The following CPNE1 variants were observed in gnomAD, a reference collection of about 807,000 sequenced individuals.
CPNE1 encodes copine-1.
In CPNE1, 58 loss-of-function variants were observed where a neutral mutation model predicts 63.2. That is an observed-to-expected ratio of 0.92 (90% confidence interval 0.74 to 1.14). The LOEUF (loss-of-function observed/expected upper bound fraction) is 1.14, where lower values mean the gene tolerates loss of function less well. Among genes scored for constraint, CPNE1 ranks in the 50% most tolerant of loss-of-function variants. CPNE1 has a pLI of 0.00. For missense variants in CPNE1, 672 were observed against 661.7 expected (o/e 1.02, Z -0.17); for synonymous variants, 237 against 249.0 (o/e 0.95, Z 0.45).
rs548671872 is a variant in CPNE1, at chr20:35,631,036, T to G, written c.862-2A>C. On this transcript the variant is annotated splice_acceptor_variant, in intron 10 of 15. Transcript: ENST00000397443. LOFTEE classifies it high-confidence loss of function. The stretch of plus-strand genomic sequence containing the variant: ...GGAGCCAGTGAAGTCCACGCCCACC[T>G]GGGAGGAGGTGAGGAAGGCAGCTAA... 3 of 1,613,926 alleles carry G rather than the reference T, an allele frequency of 1.9e-6. No homozygotes were observed. The South Asian group carries it at 3.3e-5, about 18-fold the overall frequency.
intron 1 of CPNE1, among the ~76,000 whole-genome samples, chr20:35,647,619 T>C (rs974001353): frequency 3.3e-5 from 5 of 152,000 alleles, no homozygotes; most frequent in Non-Finnish European, 1.5e-5. Flanking sequence ...TAGAGCAGTA[T>C]GTAGAGTAGC....
intron 1 of CPNE1, chr20:35,654,938 GATT>G: frequency 6.2e-7 from 1 of 1,614,132 alleles, no homozygotes; most frequent in Non-Finnish European, 8.5e-7. Flanking sequence ...CTGGGTGATG[GATT>G]ATTAAAGTTG....
chr20:35,663,363 C>T (rs1243039013), intron 1 of CPNE1, among the ~76,000 whole-genome samples: 1 of 152,220 alleles, frequency 6.6e-6, no homozygotes, highest in Non-Finnish European at 1.5e-5. Flanking sequence ...AGGTCCCAGA[C>T]AATTCTTGTT....
chr20:35,657,562 T>C (rs932781287), intron 1 of CPNE1, among the ~76,000 whole-genome samples: 2 of 152,136 alleles, frequency 1.3e-5, no homozygotes, highest in Non-Finnish European at 2.9e-5. Context: ...TAAAGTGACA[T>C]ACACAGTTAA....
At chr20:35,652,534 A>C in intron 1 of CPNE1, 1 of 1,610,498 alleles carries the variant, frequency 6.2e-7, no homozygotes, top group Non-Finnish European at 8.5e-7. Flanking sequence ...CTACCCTAAT[A>C]CAAGTTTTAC....
At chr20:35,646,075 T>A (rs866516023) in intron 1 of CPNE1, among the ~76,000 whole-genome samples, 1 of 148,248 alleles carries the variant, frequency 6.7e-6, no homozygotes, top group Non-Finnish European at 1.5e-5. Flanking sequence ...AAACTACCCC[T>A]CCACTCCACC....
chr20:35,633,149 G>T (rs1013140729), intron 1 of CPNE1, among the ~76,000 whole-genome samples: 5 of 152,160 alleles, frequency 3.3e-5, no homozygotes, highest in African/African-American at 1.2e-4. Flanking sequence ...CTGGTCTGAA[G>T]ATATTGAAAA....
intron 1 of CPNE1, chr20:35,653,643 A>T: frequency 6.2e-7 from 1 of 1,614,212 alleles, no homozygotes; most frequent in Non-Finnish European, 8.5e-7. Context: ...GGAACTGAAG[A>T]ACATCCATCT....
At chr20:35,634,186 G>A (rs375941875) in intron 1 of CPNE1, among the ~76,000 whole-genome samples, 4 of 148,664 alleles carry the variant, frequency 2.7e-5, no homozygotes, top group African/African-American at 1.0e-4. Context: ...GCGTGAATCC[G>A]GGAGGCAGAG....
At chr20:35,647,553 C>T (rs1029754443) in intron 1 of CPNE1, 3 of 152,020 alleles carry the variant, frequency 2.0e-5, no homozygotes, top group African/African-American at 4.8e-5. Context: ...TCCTTCTGTC[C>T]CTGGGTCTGA....
intron 1 of CPNE1, among the ~76,000 whole-genome samples, chr20:35,647,168 G>C (rs1319689690): frequency 6.6e-6 from 1 of 151,976 alleles, no homozygotes; most frequent in Non-Finnish European, 1.5e-5. Context: ...AAAAAAATTA[G>C]CTGGGCATGG....
chr20:35,656,349 T>C (rs2033895420), intron 1 of CPNE1, among the ~76,000 whole-genome samples: 1 of 152,102 alleles, frequency 6.6e-6, no homozygotes, highest in Admixed American at 6.6e-5. Context: ...TTTGACATAA[T>C]CAAAAAAGAA....
At chr20:35,626,999 C>T in intron 14 of CPNE1, 196 bp from the exon 15 acceptor site, 7 of 626,400 alleles carry the variant, frequency 1.1e-5, no homozygotes, top group Non-Finnish European at 2.8e-6. Context: ...ACCACCCCAG[C>T]CAACATGGTG....
rs759219394 is a variant in CPNE1, at chr20:35,627,437, C to T, written c.1103-24G>A. 12 of 1,612,244 alleles carry T rather than the reference C, an allele frequency of 7.4e-6. No homozygotes were observed. The Admixed American group carries it at 8.4e-5, about 11-fold the overall frequency. On this transcript the variant is annotated intron_variant, in intron 13 of 15. Transcript: ENST00000397443. Reference sequence around the variant, plus strand: ...GCCTGCAGAGGAGAGCAAGAAATACCGTAAAATCCTGGACCTCTCAGGACT... The same window carrying T: ...GCCTGCAGAGGAGAGCAAGAAATACTGTAAAATCCTGGACCTCTCAGGACT...
chr20:35,649,886 T>C (rs534442137), intron 1 of CPNE1: 1 of 152,416 alleles, frequency 6.6e-6, no homozygotes, highest in East Asian at 1.9e-4. Flanking sequence ...ATCATGATAG[T>C]GTTTACAAAT....
At chr20:35,659,410 C>A (rs1209517898) in intron 1 of CPNE1, among the ~76,000 whole-genome samples, 1 of 152,160 alleles carries the variant, frequency 6.6e-6, no homozygotes, top group Non-Finnish European at 1.5e-5. Context: ...GATGAAAAGG[C>A]ACAAGTTCGC....
At chr20:35,638,050 T>C (rs1027879064) in intron 1 of CPNE1, among the ~76,000 whole-genome samples, 2 of 152,242 alleles carry the variant, frequency 1.3e-5, no homozygotes, top group Admixed American at 6.5e-5. Flanking sequence ...TGACTTAACA[T>C]TGAAGCCACA....
intron 9 of CPNE1, 29 bp from the exon 10 acceptor site, chr20:35,631,202 G>A: frequency 6.2e-7 from 1 of 1,613,666 alleles, no homozygotes; most frequent in Admixed American, 1.7e-5. Context: ...TCATGCCTGG[G>A]GTGATAGCAG....
chr20:35,643,987 C>T (rs2032969825), intron 1 of CPNE1, among the ~76,000 whole-genome samples: 2 of 152,168 alleles, frequency 1.3e-5, no homozygotes, highest in African/African-American at 4.8e-5. Flanking sequence ...GTCATACAAG[C>T]ATCCATGATT....
Sources: allele counts gnomAD v4.1 joint callset (sites outside exome capture counted in the v4.1 genomes callset), GRCh38; gene constraint gnomAD v4.1.1; transcripts MANE v1.5; gene names NCBI Gene and HGNC (gene_info 2026-07-23, HGNC 2026-07-21).